The following KDM5A variants were observed in gnomAD, a reference collection of about 807,000 sequenced individuals.
KDM5A encodes the protein lysine demethylase 5A.
In KDM5A, 42 loss-of-function variants were observed where a neutral mutation model predicts 193.5. The observed-to-expected ratio is 0.22, with a 90% confidence interval of 0.17 to 0.28. The LOEUF (loss-of-function observed/expected upper bound fraction) is 0.28. KDM5A is among the 10% of genes least tolerant of loss of function. The probability of loss-of-function intolerance (pLI) is 1.00; values close to 1 mark genes in which losing one functional copy is unlikely to be tolerated. For missense variants in KDM5A, 1,692 were observed against 2,055.1 expected (o/e 0.82, Z 3.42); for synonymous variants, 796 against 718.1 (o/e 1.11, Z -1.73).
intron 19 of KDM5A, among the ~76,000 whole-genome samples, chr12:317,476 CCTAA>C (rs1943663058): frequency 1.3e-5 from 2 of 152,306 alleles, no homozygotes; most frequent in South Asian, 2.1e-4. Flanking sequence ...CTTCTTACTT[CCTAA>C]CTATAGTATC....
In KDM5A at chr12:285,271, A is replaced by T. The variant is rs1259931264; in HGVS notation, c.*185T>A. 1 of 615,912 alleles carries T rather than the reference A, an allele frequency of 1.6e-6. No individual in the cohort carries two copies. The highest frequency in any genetic ancestry group is 1.9e-5 in the African/African-American group (1 of 54,046). The allele number at this position is 615,912 out of a possible 1,614,324, so 38.2% of individuals were successfully genotyped here. The stretch of plus-strand genomic sequence containing the variant: ...ACCAAAGAAGACACCCTCTGCATAG[A>T]TATGTTGATAGAGAATGTAACCCAC... On this transcript the variant is annotated 3_prime_UTR_variant, in exon 28 of 28. Transcript: ENST00000399788.
Position 350,718 on chromosome 12 carries a change from T to C in KDM5A, c.1211A>G (p.Asp404Gly). Residue 404 changes from aspartate to glycine, a missense_variant, in exon 10 of 28, where the codon GAT becomes GGT. Coordinates refer to ENST00000399788, the MANE Select transcript of KDM5A (RefSeq NM_001042603.3). The stretch of plus-strand genomic sequence containing the variant: ...ATCTGCTCCATATTCCACAATAACA[T>C]CTTCTTCAATGCTGCTTACCAGCCG... ...FWRLVSSIEEDVIVEYGADIS... is the reference protein window; with the variant it reads ...FWRLVSSIEEGVIVEYGADIS... The C allele has an allele frequency of 1.9e-6, 3 of 1,614,068 alleles. No individual in the cohort carries two copies. The highest frequency in any genetic ancestry group is 2.5e-6 in the Non-Finnish European group (3 of 1,179,956).
intron 25 of KDM5A, among the ~76,000 whole-genome samples, chr12:296,235 T>C (rs1337539156): frequency 2.0e-5 from 3 of 150,560 alleles, no homozygotes; most frequent in African/African-American, 7.4e-5. Context: ...GGTAGGACAA[T>C]CTCTTGAACT....
intron 24 of KDM5A, among the ~76,000 whole-genome samples, chr12:304,341 C>G (rs896077913): frequency 6.6e-6 from 1 of 151,726 alleles, no homozygotes; most frequent in South Asian, 2.1e-4. Context: ...CAGAGGACAT[C>G]ACACAAAGGA....
In KDM5A at chr12:284,638, C is replaced by CT. The variant is rs199915159; in HGVS notation, c.*817dup. 9,435 of 189,914 alleles carry CT rather than the reference C, an allele frequency of 0.05. 168 individuals are homozygous for CT. Among genetic ancestry groups the CT allele is most frequent in the African/African-American group, 0.095 (4,035 of 42,642 alleles). 11.8% of individuals were successfully genotyped at this position (189,914 alleles called of 1,614,324 possible). On this transcript the variant is annotated 3_prime_UTR_variant, in exon 28 of 28. Coordinates refer to ENST00000399788, the MANE Select transcript of KDM5A (RefSeq NM_001042603.3). ...CTGGTCATCATCGTCATCTTCTTCT[C>CT]TTTTTTTTTTTGGCAGAAGCCTGGA...
chr12:379,051 A>T (rs1424668946), intron 3 of KDM5A, among the ~76,000 whole-genome samples: 2 of 152,032 alleles, frequency 1.3e-5, no homozygotes, highest in Non-Finnish European at 2.9e-5. Context: ...AATAATAGGG[A>T]GAAAGATGAA....
At chr12:317,226 C>T (rs1943660422) in intron 19 of KDM5A, among the ~76,000 whole-genome samples, 1 of 152,200 alleles carries the variant, frequency 6.6e-6, no homozygotes, top group South Asian at 2.1e-4. Flanking sequence ...GGGAAACCCA[C>T]TTATTTTCTG....
chr12:337,818 T>A (rs183922116), intron 10 of KDM5A, among the ~76,000 whole-genome samples: 1 of 152,050 alleles, frequency 6.6e-6, no homozygotes, highest in African/African-American at 2.4e-5. Context: ...AATTTTTGTG[T>A]TCTCAGTAGA....
chr12:346,968 G>A (rs910809249), intron 10 of KDM5A, among the ~76,000 whole-genome samples: 1 of 152,178 alleles, frequency 6.6e-6, no homozygotes, highest in Non-Finnish European at 1.5e-5. Flanking sequence ...AAAAGAGGAA[G>A]TCAAATTGTC....
At chr12:301,074 T>A (rs567125682) in intron 24 of KDM5A, among the ~76,000 whole-genome samples, 1 of 152,302 alleles carries the variant, frequency 6.6e-6, no homozygotes, top group East Asian at 1.9e-4. Flanking sequence ...ACCAGACAGA[T>A]TCATAGCCGA....
chr12:373,726 A>C (rs1396882271), intron 3 of KDM5A, among the ~76,000 whole-genome samples: 1 of 152,174 alleles, frequency 6.6e-6, no homozygotes, highest in Non-Finnish European at 1.5e-5. Context: ...TAGTGCTATA[A>C]ATTTCCCTCT....
intron 27 of KDM5A, among the ~76,000 whole-genome samples, chr12:291,721 G>A (rs765122988): frequency 1.3e-5 from 2 of 152,032 alleles, no homozygotes; most frequent in Non-Finnish European, 2.9e-5. Context: ...TAAAACTACA[G>A]ATTTATCAAT....
In KDM5A at chr12:384,845, G is replaced by A. The variant is rs988690444; in HGVS notation, c.244-692C>T. 3.3e-5 allele frequency among the ~76,000 whole-genome samples: 5 copies of A among 152,132 alleles called. No individual in the cohort carries two copies. In the East Asian group the frequency reaches 9.6e-4, roughly 29 times the overall value. On this transcript the variant is annotated intron_variant, in intron 2 of 27. Coordinates refer to ENST00000399788, the MANE Select transcript of KDM5A (RefSeq NM_001042603.3). ...AGGTGCATCAACTCTATACCTCACT[G>A]ATACTAATATGCTTTGTCAAGTATC...
rs113954463 is a variant in KDM5A at position 283,372 on chromosome 12, G to A, written c.*2084C>T. 86 of 232,410 alleles carry A rather than the reference G, an allele frequency of 3.7e-4. No individual in the cohort carries two copies. The highest frequency in any genetic ancestry group is 7.7e-5 in the Non-Finnish European group (9 of 117,320). The allele number at this position is 232,410 out of a possible 1,614,324, so 14.4% of individuals were successfully genotyped here. A position where few individuals can be genotyped will look rare whatever the true frequency, so the allele number is the denominator to read the frequency against. Reference sequence around the variant, plus strand: ...CCTTGCAATATCCATTGAAATCTTCGATCATACACAAACTTACTTCAGATG... The same window carrying A: ...CCTTGCAATATCCATTGAAATCTTCAATCATACACAAACTTACTTCAGATG... On this transcript the variant is annotated 3_prime_UTR_variant, in exon 28 of 28. Coordinates refer to ENST00000399788, the MANE Select transcript of KDM5A (RefSeq NM_001042603.3).
chr12:380,011 G>A (rs558087477), intron 3 of KDM5A, among the ~76,000 whole-genome samples: 1 of 152,252 alleles, frequency 6.6e-6, no homozygotes, highest in Non-Finnish European at 1.5e-5. Context: ...GCTTGCACCT[G>A]TAATCCCACC....
At chr12:302,482 A>C (rs1176402126) in intron 24 of KDM5A, among the ~76,000 whole-genome samples, 1 of 152,238 alleles carries the variant, frequency 6.6e-6, no homozygotes, top group Non-Finnish European at 1.5e-5. Flanking sequence ...AGAAAGCTGA[A>C]ACTGGATCCC....
chr12:341,377 TA>T (rs1314128148), intron 10 of KDM5A, among the ~76,000 whole-genome samples: 1 of 152,196 alleles, frequency 6.6e-6, no homozygotes, highest in Non-Finnish European at 1.5e-5. Context: ...TCCATCCTGT[TA>T]TAATCATTCT....
intron 27 of KDM5A, among the ~76,000 whole-genome samples, chr12:287,463 A>G (rs750951778): frequency 2.7e-4 from 41 of 152,038 alleles, no homozygotes; most frequent in Non-Finnish European, 5.6e-4. Flanking sequence ...AAAACTCACC[A>G]AAATGTTCCT....
At chr12:361,324 A>T (rs995488097) in intron 5 of KDM5A, among the ~76,000 whole-genome samples, 3 of 152,006 alleles carry the variant, frequency 2.0e-5, no homozygotes, top group Admixed American at 1.3e-4. Flanking sequence ...CCTCCCGAGT[A>T]GCTGGGACTA....
Sources: allele counts gnomAD v4.1 joint callset (sites outside exome capture counted in the v4.1 genomes callset), GRCh38; gene constraint gnomAD v4.1.1; transcripts MANE v1.5; gene names NCBI Gene and HGNC (gene_info 2026-07-23, HGNC 2026-07-21).